ANO4: variants seen among roughly 807,000 people sequenced by gnomAD.
ANO4 encodes the protein anoctamin-4.
ANO4 carries 69 observed loss-of-function variants against 141.9 expected under a neutral mutation model. The observed-to-expected ratio is 0.49, with a 90% CI of 0.40 to 0.59. The LOEUF is 0.59. ANO4 is among the 20% of genes least tolerant of loss of function. ANO4 has a pLI of 0.00. For synonymous variants in ANO4, 350 were observed against 394.3 expected, an observed-to-expected ratio of 0.89 and a Z score of 1.33; for missense variants, 894 against 1,162.2, an observed-to-expected ratio of 0.77 and a Z score of 3.36.
chr12:101,096,725 A>G (rs2049999604), intron 19 of ANO4, 78 bp downstream of exon 19: 2 of 1,089,402 alleles, frequency 1.8e-6, no homozygotes, highest in Non-Finnish European at 2.8e-6. Flanking sequence ...GGGACAGAGA[A>G]GCCCTCCCTT....
intron 14 of ANO4, among the ~76,000 whole-genome samples, chr12:101,054,727 T>C (rs571011841): frequency 1.8e-4 from 28 of 152,198 alleles, no homozygotes; most frequent in Non-Finnish European, 3.1e-4. Context: ...GTCTGGATCT[T>C]CTGACCTTGT....
At chr12:100,920,107 T>C (rs1385168701) in intron 2 of ANO4, among the ~76,000 whole-genome samples, 3 of 151,980 alleles carry the variant, frequency 2.0e-5, no homozygotes, top group Non-Finnish European at 4.4e-5. Context: ...AAGTCACTTG[T>C]TTTTTAGCTT....
intron 3 of ANO4, among the ~76,000 whole-genome samples, chr12:100,757,040 G>A (rs749827003): frequency 3.3e-5 from 5 of 151,860 alleles, no homozygotes; most frequent in Non-Finnish European, 7.4e-5. Flanking sequence ...TTTTTTATCT[G>A]TCCCTTCTGG....
rs560531330 is a variant in ANO4 at position 100,884,165 on chromosome 12, A to G, written c.-140-17481A>G. Among the ~76,000 whole-genome samples, 6 of 152,368 alleles carry G rather than the reference A, an allele frequency of 3.9e-5. No individual in the cohort carries two copies. The East Asian group carries it at 7.7e-4, about 20-fold the overall frequency. On this transcript the variant is annotated intron_variant, in intron 1 of 27. Coordinates refer to ENST00000392977, the MANE Select transcript of ANO4 (RefSeq NM_001286615.2). ...TGTTTTTCAAACATTTGTTAAACCA[A>G]CTGTCTATAGAGGCACATTATATGG...
intron 1 of ANO4, among the ~76,000 whole-genome samples, chr12:100,887,397 A>G (rs1339262860): frequency 6.6e-6 from 1 of 152,200 alleles, no homozygotes; most frequent in Non-Finnish European, 1.5e-5. Flanking sequence ...TGCCTAGGGT[A>G]TGATAATATT....
At chr12:100,989,796 T>C (rs978109815) in intron 8 of ANO4, among the ~76,000 whole-genome samples, 2 of 148,998 alleles carry the variant, frequency 1.3e-5, no homozygotes, top group Non-Finnish European at 3.0e-5. Context: ...GATGGATGGA[T>C]GGATAGATGG....
chr12:100,935,716 G>A (rs10860664), intron 3 of ANO4, among the ~76,000 whole-genome samples: 25,635 of 152,082 alleles, frequency 0.17, 2,724 homozygotes, highest in Middle Eastern at 0.34. Flanking sequence ...CTTCAGCCCC[G>A]GTTCCTAGCT....
intron 2 of ANO4, among the ~76,000 whole-genome samples, chr12:100,919,764 C>CTAT (rs2041543854): frequency 1.3e-5 from 2 of 150,776 alleles, no homozygotes; most frequent in Non-Finnish European, 3.0e-5. Context: ...ATCTATCTAT[C>CTAT]TATCTATCTA....
At chr12:100,867,970 G>T (rs1418628347) in intron 1 of ANO4, among the ~76,000 whole-genome samples, 1 of 152,178 alleles carries the variant, frequency 6.6e-6, no homozygotes, top group African/African-American at 2.4e-5. Flanking sequence ...TGGTACTGGG[G>T]AAATAACATC....
chr12:101,067,538 C>T (rs1188322206), intron 14 of ANO4, among the ~76,000 whole-genome samples: 7 of 152,134 alleles, frequency 4.6e-5, no homozygotes, highest in Non-Finnish European at 1.0e-4. Context: ...AAGAAATTAG[C>T]TGAGCATGGT....
At chr12:100,858,320 T>G (rs905769752) in intron 1 of ANO4, among the ~76,000 whole-genome samples, 20 of 152,158 alleles carry the variant, frequency 1.3e-4, no homozygotes, top group African/African-American at 4.8e-4. Context: ...ACAGTGGTAT[T>G]TTTGTGTCTA....
intron 5 of ANO4, among the ~76,000 whole-genome samples, chr12:100,959,901 G>A (rs973144461): frequency 7.2e-5 from 11 of 152,118 alleles, no homozygotes; most frequent in Admixed American, 6.6e-4. Flanking sequence ...GTCACTCGAG[G>A]CTTTGTCATC....
chr12:100,741,606 T>C (rs2031868982), intron 3 of ANO4, among the ~76,000 whole-genome samples: 1 of 152,130 alleles, frequency 6.6e-6, no homozygotes, highest in Non-Finnish European at 1.5e-5. Flanking sequence ...GGATTGGTAA[T>C]GAAGAGCACT....
At chr12:100,823,207 G>T (rs1177299695) in intron 1 of ANO4, among the ~76,000 whole-genome samples, 1 of 152,088 alleles carries the variant, frequency 6.6e-6, no homozygotes, top group Non-Finnish European at 1.5e-5. Context: ...TGTACTTTAT[G>T]AGGAAATGGA....
intron 1 of ANO4, among the ~76,000 whole-genome samples, chr12:100,897,119 G>A (rs567446541): frequency 5.3e-5 from 8 of 152,288 alleles, no homozygotes; most frequent in African/African-American, 1.9e-4. Context: ...ATCCCCCAAG[G>A]TGTGTGTTTC....
At chr12:100,944,868 A>G (rs907656378) in intron 5 of ANO4, among the ~76,000 whole-genome samples, 1 of 152,224 alleles carries the variant, frequency 6.6e-6, no homozygotes, top group Non-Finnish European at 1.5e-5. Context: ...CAGAATTTTT[A>G]TATGAAGTAT....
At chr12:100,925,645 T>TAA (rs67384264) in intron 3 of ANO4, among the ~76,000 whole-genome samples, 112 of 147,838 alleles carry the variant, frequency 7.6e-4, no homozygotes, top group African/African-American at 2.1e-3. Context: ...AAAGTATAAT[T>TAA]AAAAAAAAAA....
At chr12:100,845,968 A>G (rs1180191845) in intron 1 of ANO4, among the ~76,000 whole-genome samples, 1 of 152,218 alleles carries the variant, frequency 6.6e-6, no homozygotes, top group Non-Finnish European at 1.5e-5. Flanking sequence ...AGAGCTTTGG[A>G]GTAACACAGA....
chr12:100,993,592 G>T (rs757912136), intron 8 of ANO4, among the ~76,000 whole-genome samples: 2 of 152,068 alleles, frequency 1.3e-5, no homozygotes. Flanking sequence ...CTGGGGGAAG[G>T]AGGCATATGT....
Sources: allele counts gnomAD v4.1 joint callset (sites outside exome capture counted in the v4.1 genomes callset), GRCh38; gene constraint gnomAD v4.1.1; transcripts MANE v1.5; gene names NCBI Gene and HGNC (gene_info 2026-07-23, HGNC 2026-07-21).